WDR62: variants seen among roughly 807,000 people sequenced by gnomAD.
The protein encoded by WDR62 is WD repeat domain 62.
WDR62 carries 112 observed loss-of-function variants against 160.6 expected under a neutral mutation model. The observed-to-expected ratio is 0.70, with a 90% CI of 0.60 to 0.82. WDR62 has a LOEUF of 0.82. Ranked by LOEUF, WDR62 falls within the 40% of genes least tolerant of loss-of-function variation. The pLI is 0.00. For missense variants in WDR62, 1,819 were observed against 1,983.8 expected (o/e 0.92, Z 1.58); for synonymous variants, 792 against 815.1 (o/e 0.97, Z 0.48).
intron 19 of WDR62, 114 bp from the exon 20 acceptor site, chr19:36,093,917 G>T: frequency 7.5e-7 from 1 of 1,325,160 alleles, no homozygotes. Flanking sequence ...ATCTTGACCA[G>T]CAGCCAAGAA....
chr19:36,087,923 T>C (rs896034382), intron 13 of WDR62, among the ~76,000 whole-genome samples: 11 of 152,228 alleles, frequency 7.2e-5, no homozygotes, highest in South Asian at 6.2e-4. Context: ...TAGCAGAGAC[T>C]GTTCTAATTG....
chr19:36,102,428 T>C, intron 26 of WDR62: 2 of 581,350 alleles, frequency 3.4e-6, no homozygotes, highest in East Asian at 5.9e-5. Context: ...GCCCTGCTAA[T>C]TTTTTGTATT....
At chr19:36,080,341 C>T (rs920202618) in intron 9 of WDR62, among the ~76,000 whole-genome samples, 5 of 151,746 alleles carry the variant, frequency 3.3e-5, no homozygotes, top group African/African-American at 1.2e-4. Flanking sequence ...GTCTCGATCT[C>T]CTGACCTCGT....
chr19:36,097,448 C>G (rs185125299), intron 21 of WDR62, among the ~76,000 whole-genome samples: 46 of 152,264 alleles, frequency 3.0e-4, no homozygotes, highest in Middle Eastern at 3.4e-3. Context: ...TGCAGTGATA[C>G]GTGTCTGTGG....
chr19:36,058,638 T>C, intron 1 of WDR62, 142 bp from the exon 2 acceptor site: 1 of 708,092 alleles, frequency 1.4e-6, no homozygotes, highest in Non-Finnish European at 2.6e-6. Context: ...AGAGAACAAG[T>C]GTTAGCTGCT....
In WDR62 at chr19:36,076,704, G is replaced by T. The variant is rs1276360012; in HGVS notation, c.1233+3173G>T. Among the ~76,000 whole-genome samples the T allele has an allele frequency of 2.6e-5, 4 of 152,258 alleles. No homozygotes were observed. In the East Asian group the frequency reaches 7.7e-4, roughly 29 times the overall value. On this transcript the variant is annotated intron_variant, in intron 9 of 31. Transcript: ENST00000401500. ...AAGCCTAGTTCTTAAGGACACAGGG[G>T]ATGGTGGAATTAGAATATCCCCAGT...
chr19:36,080,339 C>T (rs1461736930), intron 9 of WDR62, among the ~76,000 whole-genome samples: 1 of 151,784 alleles, frequency 6.6e-6, no homozygotes, highest in Non-Finnish European at 1.5e-5. Flanking sequence ...TGGTCTCGAT[C>T]TCCTGACCTC....
chr19:36,093,261 G>A (rs1972748294), intron 19 of WDR62, among the ~76,000 whole-genome samples: 1 of 151,798 alleles, frequency 6.6e-6, no homozygotes, highest in Non-Finnish European at 1.5e-5. Context: ...GGGAGGGGTG[G>A]GTAGACAGGG....
At chr19:36,060,409 G>A (rs1036289952) in intron 3 of WDR62, 7 of 268,632 alleles carry the variant, frequency 2.6e-5, no homozygotes, top group Non-Finnish European at 5.2e-5. Context: ...GAAGCGAGAG[G>A]GTGACCCATA....
chr19:36,082,217 A>G (rs1342631928), intron 10 of WDR62, among the ~76,000 whole-genome samples: 1 of 152,224 alleles, frequency 6.6e-6, no homozygotes, highest in Non-Finnish European at 1.5e-5. Flanking sequence ...ACAGCCGACC[A>G]TGTTAATGCA....
At chr19:36,065,163 G>A (rs1220837818) in intron 3 of WDR62, among the ~76,000 whole-genome samples, 2 of 152,222 alleles carry the variant, frequency 1.3e-5, no homozygotes, top group African/African-American at 4.8e-5. Flanking sequence ...TGGATATCCA[G>A]GAGGCAGCTT....
At chr19:36,071,508 A>G (rs910440846) in intron 7 of WDR62, 48 bp from the exon 8 acceptor site, 1 of 1,613,570 alleles carries the variant, frequency 6.2e-7, no homozygotes, top group South Asian at 1.1e-5. Context: ...TCCCCGGGCC[A>G]GGCCACGTGA....
intron 7 of WDR62, among the ~76,000 whole-genome samples, chr19:36,068,260 G>A (rs143629851): frequency 1.8e-4 from 28 of 152,236 alleles, no homozygotes; most frequent in African/African-American, 5.8e-4. Flanking sequence ...CCCTGAAATG[G>A]GCTCAAGGTG....
chr19:36,071,507 C>T, intron 7 of WDR62, 49 bp from the exon 8 acceptor site: 1 of 1,613,442 alleles, frequency 6.2e-7, no homozygotes, highest in Admixed American at 1.7e-5. Context: ...ATCCCCGGGC[C>T]AGGCCACGTG....
Position 36,094,081 on chromosome 19 carries a change from G to A in WDR62, c.2384G>A (p.Gly795Glu), listed in dbSNP as rs773240057. 25 of 1,614,010 alleles carry A rather than the reference G, an allele frequency of 1.5e-5. No individual in the cohort carries two copies. The highest frequency in any genetic ancestry group is 8.8e-5 in the South Asian group (8 of 91,086). ...TPSEIHSLSPGEQTEDDLEEE... is the reference protein window; with the variant it reads ...TPSEIHSLSPEEQTEDDLEEE... Reference sequence around the variant, plus strand: ...AGTGAGATTCACTCCCTGAGCCCTGGAGAGCAAACAGAGGATGATCTGGAG... The same window carrying A: ...AGTGAGATTCACTCCCTGAGCCCTGAAGAGCAAACAGAGGATGATCTGGAG... The change falls in exon 20 of 32, where the codon GGA (glycine) becomes GAA (glutamate). Residue 795 changes from glycine to glutamate, a missense_variant. Around this residue, in one of 3 missense-constraint regions of WDR62, gnomAD observed 934 missense variants for 1,157.2 expected, o/e 0.81. Transcript: ENST00000401500.
chr19:36,071,893 G>T (rs1971320864), intron 8 of WDR62, among the ~76,000 whole-genome samples, 177 bp downstream of exon 8: 1 of 152,260 alleles, frequency 6.6e-6, no homozygotes, highest in African/African-American at 2.4e-5. Context: ...AAGCCTCACA[G>T]TGAGAAGTGA....
chr19:36,069,544 C>A (rs1299528683), intron 7 of WDR62, among the ~76,000 whole-genome samples: 3 of 146,458 alleles, frequency 2.0e-5, no homozygotes, highest in Non-Finnish European at 3.0e-5. Context: ...ACATCCCAGA[C>A]GATGGGCGGC....
intron 29 of WDR62, 33 bp downstream of exon 29, chr19:36,103,240 G>T: frequency 1.2e-6 from 2 of 1,612,652 alleles, no homozygotes; most frequent in Non-Finnish European, 1.7e-6. Flanking sequence ...GACAGTCCTG[G>T]GTTTCTCGGC....
rs150133718 is a variant in WDR62 at position 36,081,316 on chromosome 19, G to T, written c.1234-117G>T. On this transcript the variant is annotated intron_variant, in intron 9 of 31. Transcript: ENST00000401500. ...TTTCTTGTTTATTTTTAGCATAGAAGGTATTGCACGATACCTGTTTATCTT... is the reference window on the plus strand; with the variant it reads ...TTTCTTGTTTATTTTTAGCATAGAATGTATTGCACGATACCTGTTTATCTT... 1.4e-4 allele frequency: 162 copies of T among 1,164,272 alleles called. 1 individual carries two copies. The East Asian group carries it at 3.7e-3, about 27-fold the overall frequency. 72.1% of individuals were successfully genotyped at this position (1,164,272 alleles called of 1,614,324 possible).
Sources: gnomAD v4.1 joint callset for allele counts (sites outside exome capture counted in the v4.1 genomes callset) on GRCh38, gnomAD v4.1.1 for gene constraint, gnomAD v4.1.1 regional missense constraint, MANE v1.5 for transcripts, NCBI Gene and HGNC (gene_info 2026-07-23, HGNC 2026-07-21) for gene names.